The following COL5A3 variants were observed in gnomAD, a reference collection of about 807,000 sequenced individuals.
COL5A3 encodes the protein collagen type V alpha 3 chain.
A neutral mutation model predicts 250.0 loss-of-function variants in COL5A3; 172 were observed. That is an observed-to-expected ratio of 0.69 (90% CI 0.61 to 0.78). The LOEUF (loss-of-function observed/expected upper bound fraction) is 0.78, where lower values mean the gene tolerates loss of function less well. Ranked by LOEUF, COL5A3 falls within the 30% of genes least tolerant of loss-of-function variation. COL5A3 has a pLI of 0.00. For missense variants in COL5A3, 2,340 were observed against 2,334.4 expected (o/e 1.00, Z -0.05); for synonymous variants, 937 against 900.4 (o/e 1.04, Z -0.73).
chr19:9,962,983 T>A, intron 64 of COL5A3, 96 bp from the exon 65 acceptor site: 1 of 895,102 alleles, frequency 1.1e-6, no homozygotes, highest in Non-Finnish European at 1.8e-6. Flanking sequence ...CTGTTGTGAC[T>A]ATGTCAGGAT....
chr19:10,001,025 T>C (rs2087352573), intron 8 of COL5A3, among the ~76,000 whole-genome samples: 1 of 152,014 alleles, frequency 6.6e-6, no homozygotes, highest in African/African-American at 2.4e-5. Context: ...ATAAATAATC[T>C]GTACAACAAA....
intron 24 of COL5A3, among the ~76,000 whole-genome samples, chr19:9,990,757 G>A (rs1192734970): frequency 2.0e-5 from 3 of 151,920 alleles, no homozygotes; most frequent in African/African-American, 4.8e-5. Flanking sequence ...TAGAGACAGG[G>A]TTTCACCATG....
intron 50 of COL5A3, 39 bp downstream of exon 50, chr19:9,973,531 C>T (rs2086880711): frequency 6.3e-7 from 1 of 1,594,016 alleles, no homozygotes; most frequent in African/African-American, 1.3e-5. Flanking sequence ...CAGGGGTTCC[C>T]TGAGTTGGGT....
chr19:9,978,371 C>T (rs564891678), intron 41 of COL5A3, among the ~76,000 whole-genome samples: 1 of 152,208 alleles, frequency 6.6e-6, no homozygotes, highest in Admixed American at 6.5e-5. Context: ...TTACAGGCAT[C>T]TGCCTCCATG....
At chr19:9,981,221 A>C (rs1339726867) in intron 32 of COL5A3, 89 bp from the exon 33 acceptor site, 3 of 1,183,390 alleles carry the variant, frequency 2.5e-6, no homozygotes, top group Non-Finnish European at 3.8e-6. Flanking sequence ...TCACAGACCC[A>C]GAAAGCTGTC....
At chr19:9,991,142 T>A (rs1368862426) in intron 24 of COL5A3, among the ~76,000 whole-genome samples, 1 of 152,174 alleles carries the variant, frequency 6.6e-6, no homozygotes, top group Non-Finnish European at 1.5e-5. Context: ...CTCGGGTGGA[T>A]GAGGTGGGAG....
chr19:9,996,011 G>C, intron 15 of COL5A3, 55 bp downstream of exon 15: 1 of 1,442,470 alleles, frequency 6.9e-7, no homozygotes, highest in Non-Finnish European at 9.3e-7. Flanking sequence ...TGTATCTTGT[G>C]GTCCTGGGGG....
chr19:9,971,327 C>T, intron 51 of COL5A3, 69 bp from the exon 52 acceptor site: 1 of 1,199,094 alleles, frequency 8.3e-7, no homozygotes, highest in South Asian at 1.5e-5. Flanking sequence ...TGGAACAGAT[C>T]AACTGTATCC....
rs368541624 is a variant in COL5A3 at position 9,980,680 on chromosome 19, G to A, written c.2572C>T (p.Gln858Ter). The change falls in exon 35 of 67, where the codon CAG becomes TAG. Residue 858 changes from glutamine (Q) to a stop codon, truncating the protein, a stop_gained. Coordinates refer to ENST00000264828, the MANE Select transcript of COL5A3 (RefSeq NM_015719.4). LOFTEE classifies it high-confidence loss of function. The stretch of plus-strand genomic sequence containing the variant: ...CCAGGGATCCCAGGGGCTCCATCCT[G>A]GCCCACATCGCCCTAGGACAGAGTG... ...GQPGPKGDVG[Q>*]DGAPGIPGEK... The A allele has an allele frequency of 3.7e-6, 6 of 1,613,336 alleles. No homozygotes were observed. The highest frequency in any genetic ancestry group is 5.1e-6 in the Non-Finnish European group (6 of 1,179,902).
rs569711297 is a variant in COL5A3, at chr19:9,974,148, C to T, written c.3504+23G>A. 14 of 1,610,780 alleles carry T rather than the reference C, an allele frequency of 8.7e-6. No individual in the cohort carries two copies. The East Asian group carries it at 2.9e-4, about 33-fold the overall frequency. On this transcript the variant is annotated intron_variant, in intron 47 of 66. Coordinates refer to ENST00000264828, the MANE Select transcript of COL5A3 (RefSeq NM_015719.4). ...TATAACCCCACCATCCTCCCCCTCC[C>T]ACCTTCCTCTGGGAGTGCATACCAT...
chr19:10,005,416 G>T, intron 4 of COL5A3, 142 bp downstream of exon 4: 1 of 799,750 alleles, frequency 1.3e-6, no homozygotes, highest in Non-Finnish European at 2.0e-6. Context: ...AACGGTGCAC[G>T]AAAGCATGAA....
chr19:9,985,942 T>C (rs1238703844), intron 30 of COL5A3, 47 bp from the exon 31 acceptor site: 1 of 1,579,304 alleles, frequency 6.3e-7, no homozygotes, highest in Non-Finnish European at 8.7e-7. Flanking sequence ...AACCTGGAGG[T>C]CAGAGGCGGA....
At chr19:9,976,501 C>A in intron 45 of COL5A3, 57 bp downstream of exon 45, 1 of 1,364,026 alleles carries the variant, frequency 7.3e-7, no homozygotes, top group Non-Finnish European at 1.0e-6. Context: ...GTCGTTTGCT[C>A]CCACTATCCC....
intron 48 of COL5A3, 29 bp downstream of exon 48, chr19:9,973,890 A>G: frequency 6.3e-7 from 1 of 1,595,942 alleles, no homozygotes; most frequent in Non-Finnish European, 8.6e-7. Flanking sequence ...CCCATCTCTG[A>G]GCCTTCCTGG....
At chr19:9,999,040 TTCTC>T (rs1200811516) in intron 8 of COL5A3, among the ~76,000 whole-genome samples, 1 of 145,078 alleles carries the variant, frequency 6.9e-6, no homozygotes, top group African/African-American at 2.8e-5. Flanking sequence ...TTCTTTTTCT[TTCTC>T]TTTCTTTCTC....
chr19:10,007,029 T>C (rs2087453627), intron 1 of COL5A3, among the ~76,000 whole-genome samples: 1 of 149,270 alleles, frequency 6.7e-6, no homozygotes, highest in African/African-American at 2.5e-5. Flanking sequence ...TCTCCTGACT[T>C]TCCCCTCTGA....
In COL5A3 at chr19:9,966,518, G is replaced by A. The variant is rs752249793; in HGVS notation, c.4669+18C>T. The A allele has an allele frequency of 6.5e-7, 1 of 1,536,812 alleles. No individual in the cohort carries two copies. Among genetic ancestry groups the A allele is most frequent in the Non-Finnish European group, 8.8e-7 (1 of 1,139,968 alleles). On this transcript the variant is annotated intron_variant, in intron 63 of 66. Coordinates refer to ENST00000264828, the MANE Select transcript of COL5A3 (RefSeq NM_015719.4). Reference sequence around the variant, plus strand: ...CCCCCACTCCGCCCATCCAAGTGGCGGGGGGACCGGACCTCACCATCAGGC... The same window carrying A: ...CCCCCACTCCGCCCATCCAAGTGGCAGGGGGACCGGACCTCACCATCAGGC...
chr19:9,993,131 ATC>A (rs1380786916), intron 19 of COL5A3, 64 bp from the exon 20 acceptor site: 2 of 1,538,154 alleles, frequency 1.3e-6, no homozygotes, highest in African/African-American at 2.7e-5. Context: ...ACCTCCCCTC[ATC>A]TGGGCAGCCC....
In COL5A3 at chr19:9,992,844, C is replaced by T; in HGVS notation, c.1831G>A (p.Gly611Ser). The T allele has an allele frequency of 1.2e-6, 2 of 1,614,126 alleles. No homozygotes were observed. Residue 611 changes from glycine to serine, a missense_variant, in exon 21 of 67, where the codon GGC becomes AGC. Coordinates refer to ENST00000264828, the MANE Select transcript of COL5A3 (RefSeq NM_015719.4). ...RGLLGPRGSP[G>S]PTGRPGVTGI... ...ACACTCACCGGGCGACCCGTGGGGC[C>T]AGGAGAGCCTCTGGGGCCAAGCAGT...
Sources: allele counts gnomAD v4.1 joint callset (sites outside exome capture counted in the v4.1 genomes callset), GRCh38; gene constraint gnomAD v4.1.1; transcripts MANE v1.5; gene names NCBI Gene and HGNC (gene_info 2026-07-23, HGNC 2026-07-21).